Variants in RNF13 observed in about 807,000 individuals in gnomAD.
RNF13 encodes ring finger protein 13, also known as E3 ubiquitin-protein ligase RNF13.
A neutral mutation model predicts 37.7 loss-of-function variants in RNF13; 19 were observed. The ratio of observed to expected loss-of-function variants is 0.50; its 90% CI spans 0.35 to 0.74. RNF13 has a LOEUF of 0.74. Ranked by LOEUF, RNF13 falls within the 30% of genes least tolerant of loss-of-function variation. RNF13 has a pLI of 0.01. For synonymous variants in RNF13, 144 were observed against 157.8 expected (o/e 0.91, Z 0.65); for missense variants, 375 against 453.0 (o/e 0.83, Z 1.56).
intron 1 of RNF13, among the ~76,000 whole-genome samples, chr3:149,834,027 A>G (rs986326724): frequency 1.4e-4 from 21 of 152,210 alleles, no homozygotes; most frequent in African/African-American, 5.1e-4. Flanking sequence ...TTACAATATC[A>G]ACAAAAATAA....
chr3:149,915,672 A>C (rs1287614072), intron 7 of RNF13, among the ~76,000 whole-genome samples: 1 of 152,240 alleles, frequency 6.6e-6, no homozygotes, highest in Non-Finnish European at 1.5e-5. Flanking sequence ...AGTGTTATTA[A>C]GGAAGGAAAT....
At chr3:149,853,448 GA>G in intron 3 of RNF13, among the ~76,000 whole-genome samples, 2 of 117,576 alleles carry the variant, frequency 1.7e-5, no homozygotes, top group Non-Finnish European at 3.5e-5. Flanking sequence ...GTGTGAGAGA[GA>G]GAGAGGGAGA....
At chr3:149,856,097 GT>G (rs2108400561) in intron 3 of RNF13, among the ~76,000 whole-genome samples, 1 of 148,964 alleles carries the variant, frequency 6.7e-6, no homozygotes, top group South Asian at 2.1e-4. Flanking sequence ...ATGTTGATGA[GT>G]TTGTTTATTC....
At chr3:149,861,994 G>A (rs919080292) in intron 3 of RNF13, among the ~76,000 whole-genome samples, 1 of 151,966 alleles carries the variant, frequency 6.6e-6, no homozygotes, top group Non-Finnish European at 1.5e-5. Context: ...GTAGATGTTT[G>A]GGTACAACTG....
At chr3:149,944,427 C>T (rs943334931) in intron 8 of RNF13, among the ~76,000 whole-genome samples, 1 of 152,150 alleles carries the variant, frequency 6.6e-6, no homozygotes, top group African/African-American at 2.4e-5. Context: ...AGTTTACAGT[C>T]CCACCAACAG....
At chr3:149,867,925 G>A (rs558739038) in intron 3 of RNF13, among the ~76,000 whole-genome samples, 28 of 151,436 alleles carry the variant, frequency 1.8e-4, no homozygotes, top group Admixed American at 4.6e-4. Context: ...TTTATTTTTA[G>A]TGAATCTGTT....
chr3:149,889,800 G>A (rs113402456), intron 4 of RNF13, among the ~76,000 whole-genome samples: 11,688 of 151,694 alleles, frequency 0.077, 495 homozygotes, highest in Middle Eastern at 0.099. Flanking sequence ...GACTACAGGC[G>A]TGCACCACTG....
At chr3:149,863,240 TATA>T (rs1724458372) in intron 3 of RNF13, among the ~76,000 whole-genome samples, 1 of 152,220 alleles carries the variant, frequency 6.6e-6, no homozygotes, top group Non-Finnish European at 1.5e-5. Flanking sequence ...TAAACTGAGT[TATA>T]ATGACAAATT....
At chr3:149,864,369 A>G (rs967477230) in intron 3 of RNF13, among the ~76,000 whole-genome samples, 1 of 152,110 alleles carries the variant, frequency 6.6e-6, no homozygotes, top group Admixed American at 6.5e-5. Flanking sequence ...TGCTGGTGCC[A>G]TGCCTTTTGT....
intron 4 of RNF13, among the ~76,000 whole-genome samples, chr3:149,879,549 C>G (rs1412468199): frequency 2.0e-5 from 3 of 152,044 alleles, no homozygotes; most frequent in African/African-American, 7.2e-5. Flanking sequence ...CTCAAGTGAT[C>G]CTTTTACCTT....
chr3:149,917,870 G>A (rs1717706646), intron 7 of RNF13, among the ~76,000 whole-genome samples: 1 of 152,014 alleles, frequency 6.6e-6, no homozygotes, highest in African/African-American at 2.4e-5. Context: ...GCTTTATTGA[G>A]ACATAATTAA....
intron 8 of RNF13, among the ~76,000 whole-genome samples, chr3:149,924,793 G>A (rs901376813): frequency 2.0e-5 from 3 of 152,174 alleles, no homozygotes; most frequent in Non-Finnish European, 4.4e-5. Flanking sequence ...GGGAAGTTGA[G>A]TCAAGAAATA....
chr3:149,929,839 T>C (rs1335550868), intron 8 of RNF13, among the ~76,000 whole-genome samples: 1 of 152,222 alleles, frequency 6.6e-6, no homozygotes, highest in Non-Finnish European at 1.5e-5. Flanking sequence ...CAGTTGACTA[T>C]ATTTGTGTGA....
In RNF13 at chr3:149,884,196, A is replaced by G. The variant is rs1489164286; in HGVS notation, c.322-11277A>G. Among the ~76,000 whole-genome samples, 34 of 152,134 alleles carry G rather than the reference A, an allele frequency of 2.2e-4. 1 individual carries two copies. Among genetic ancestry groups the G allele is most frequent in the Non-Finnish European group, 4.4e-5 (3 of 68,022 alleles). On this transcript the variant is annotated intron_variant, in intron 4 of 9. Coordinates refer to ENST00000392894, the MANE Select transcript of RNF13 (RefSeq NM_183381.3). ...GTTGGACATAGTGTTGTATTGTCATATGTCTTGGTCTTTAAAGACCTTTTA... is the reference window on the plus strand; with the variant it reads ...GTTGGACATAGTGTTGTATTGTCATGTGTCTTGGTCTTTAAAGACCTTTTA...
At chr3:149,899,067 A>T (rs1253401318) in intron 5 of RNF13, among the ~76,000 whole-genome samples, 1 of 151,990 alleles carries the variant, frequency 6.6e-6, no homozygotes, top group Non-Finnish European at 1.5e-5. Flanking sequence ...CAAGGGAGGG[A>T]GTGGGGGGAT....
intron 8 of RNF13, among the ~76,000 whole-genome samples, chr3:149,949,453 A>G (rs1477618328): frequency 6.7e-6 from 1 of 149,848 alleles, no homozygotes; most frequent in Non-Finnish European, 1.5e-5. Flanking sequence ...TGCTGCTTTC[A>G]AGATCTCTGT....
chr3:149,907,247 C>G (rs1201956083), intron 6 of RNF13, among the ~76,000 whole-genome samples: 2 of 152,026 alleles, frequency 1.3e-5, no homozygotes, highest in Non-Finnish European at 2.9e-5. Context: ...ATTGCTTTCC[C>G]TTATCTAATT....
At chr3:149,842,333 CTA>C (rs1478679499) in intron 1 of RNF13, among the ~76,000 whole-genome samples, 2 of 152,154 alleles carry the variant, frequency 1.3e-5, no homozygotes, top group Non-Finnish European at 2.9e-5. Context: ...GGTCTTCCTT[CTA>C]TGTTTCCTGT....
intron 8 of RNF13, among the ~76,000 whole-genome samples, chr3:149,952,876 G>C (rs961987127): frequency 6.6e-6 from 1 of 152,160 alleles, no homozygotes; most frequent in African/African-American, 2.4e-5. Context: ...TGGGATTACA[G>C]GCATGAGCCA....
Sources: allele counts gnomAD v4.1 joint callset (sites outside exome capture counted in the v4.1 genomes callset), GRCh38; gene constraint gnomAD v4.1.1; transcripts MANE v1.5; gene names NCBI Gene and HGNC (gene_info 2026-07-23, HGNC 2026-07-21).